SPTBN1: variants seen among roughly 807,000 people sequenced by gnomAD.
The protein encoded by SPTBN1 is spectrin beta, non-erythrocytic 1.
In SPTBN1, 32 loss-of-function variants were observed where a neutral mutation model predicts 266.4. That is an observed-to-expected ratio of 0.12 (90% CI 0.09 to 0.16). SPTBN1 has a LOEUF of 0.16. SPTBN1 is among the 10% of genes least tolerant of loss of function. The pLI, the probability that SPTBN1 is intolerant of heterozygous loss-of-function variation, is 1.00. For missense variants in SPTBN1, 2,296 were observed against 3,067.1 expected (o/e 0.75, Z 5.94); for synonymous variants, 1,336 against 1,162.2 (o/e 1.15, Z -3.04).
At chr2:54,598,301 G>A (rs1431008895) in intron 2 of SPTBN1, among the ~76,000 whole-genome samples, 2 of 152,222 alleles carry the variant, frequency 1.3e-5, no homozygotes, top group Non-Finnish European at 2.9e-5. Context: ...AAGGATCACA[G>A]TATGGAGATT....
intron 2 of SPTBN1, chr2:54,529,229 C>A (rs908718994): frequency 2.7e-6 from 1 of 366,050 alleles, no homozygotes; most frequent in Non-Finnish European, 5.3e-6. Flanking sequence ...GTCATCCAGT[C>A]CCCTTCCTTC....
chr2:54,465,008 A>G (rs912382906), intron 1 of SPTBN1, among the ~76,000 whole-genome samples: 2 of 152,170 alleles, frequency 1.3e-5, no homozygotes, highest in African/African-American at 4.8e-5. Context: ...ACCATTTTTT[A>G]ATAATCAAAA....
intron 3 of SPTBN1, among the ~76,000 whole-genome samples, chr2:54,611,227 A>G (rs1158714667): frequency 3.3e-5 from 5 of 152,230 alleles, no homozygotes; most frequent in Non-Finnish European, 7.3e-5. Context: ...TTTCTAGGCT[A>G]GGCCATTCAT....
intron 8 of SPTBN1, 64 bp downstream of exon 8, chr2:54,621,576 C>G (rs1677995515): frequency 7.4e-7 from 1 of 1,352,874 alleles, no homozygotes; most frequent in Non-Finnish European, 1.1e-6. Context: ...CCTCATTCTC[C>G]CATGCACTCA....
intron 2 of SPTBN1, among the ~76,000 whole-genome samples, chr2:54,570,790 A>G (rs565839191): frequency 5.3e-5 from 8 of 152,272 alleles, no homozygotes; most frequent in African/African-American, 9.6e-5. Flanking sequence ...TCGAAGGTCT[A>G]TTTTATTTTT....
At position 54,649,424 on chromosome 2, in the gene SPTBN1, C is replaced by G; in HGVS notation, c.5203-191C>G. The G allele has an allele frequency of 2.9e-6, 3 of 1,018,402 alleles. No individual in the cohort carries two copies. The highest frequency in any genetic ancestry group is 3.5e-5 in the South Asian group (2 of 56,810). 63.1% of individuals were successfully genotyped at this position (1,018,402 alleles called of 1,614,324 possible). A position where few individuals can be genotyped will look rare whatever the true frequency, so the allele number is the denominator to read the frequency against. ...AAGGAGGTGGAGGTAGTGCCTCACTCTGCTGCAGTGAGCAAGAAAGGAAAC... is the reference window on the plus strand; with the variant it reads ...AAGGAGGTGGAGGTAGTGCCTCACTGTGCTGCAGTGAGCAAGAAAGGAAAC... On this transcript the variant is annotated intron_variant, in intron 25 of 35. Transcript: ENST00000356805. This position sits in a 1 kb window ranked among gnomAD's most constrained non-coding sequence, Gnocchi z 6.7.
chr2:54,544,074 GAGAACATTAT>G (rs1478056992), intron 2 of SPTBN1, among the ~76,000 whole-genome samples: 1 of 152,140 alleles, frequency 6.6e-6, no homozygotes, highest in Non-Finnish European at 1.5e-5. Context: ...TTTCATCTTG[GAGAACATTAT>G]AGAACATTAC....
At chr2:54,541,790 G>A (rs1283768263) in intron 2 of SPTBN1, among the ~76,000 whole-genome samples, 1 of 152,122 alleles carries the variant, frequency 6.6e-6, no homozygotes, top group Non-Finnish European at 1.5e-5. Context: ...TGGCAATATA[G>A]TACACATAAA....
intron 5 of SPTBN1, 48 bp from the exon 6 acceptor site, chr2:54,617,560 T>G: frequency 1.3e-6 from 2 of 1,585,966 alleles, no homozygotes; most frequent in Non-Finnish European, 1.7e-6. Context: ...AGTATAAACC[T>G]CCATGTGGTA....
intron 2 of SPTBN1, among the ~76,000 whole-genome samples, chr2:54,560,115 T>G (rs1297795193): frequency 6.7e-6 from 1 of 149,510 alleles, no homozygotes. Flanking sequence ...CTTGAGCTCT[T>G]CGGCAGTCAA....
At chr2:54,472,776 A>T (rs115889660) in intron 1 of SPTBN1, among the ~76,000 whole-genome samples, 1,772 of 152,292 alleles carry the variant, frequency 0.012, 35 homozygotes, top group African/African-American at 0.039. Context: ...TGACATTTTT[A>T]AAAATGCAGT....
chr2:54,607,501 TA>T (rs1295247493), intron 3 of SPTBN1, among the ~76,000 whole-genome samples: 2 of 152,038 alleles, frequency 1.3e-5, no homozygotes, highest in African/African-American at 4.8e-5. Flanking sequence ...CTGGTGCCTA[TA>T]ACCCCGCTAC....
intron 17 of SPTBN1, among the ~76,000 whole-genome samples, chr2:54,633,416 T>TGTGTGTGTGC (rs1291648033): frequency 6.3e-5 from 9 of 143,146 alleles, no homozygotes; most frequent in African/African-American, 2.2e-4. Flanking sequence ...TACGTGTGTG[T>TGTGTGTGTGC]GTGTGTGTGC....
chr2:54,529,489 G>A, intron 2 of SPTBN1: 2 of 715,132 alleles, frequency 2.8e-6, no homozygotes, highest in Non-Finnish European at 5.2e-6. Flanking sequence ...CCTTCCAGCG[G>A]CCCAAGACAC....
intron 2 of SPTBN1, among the ~76,000 whole-genome samples, chr2:54,531,610 T>G (rs1161429274): frequency 1.3e-5 from 2 of 148,246 alleles, no homozygotes; most frequent in Non-Finnish European, 1.5e-5. Flanking sequence ...TGTTTTTTGT[T>G]TTTTTTTTTT....
At chr2:54,571,404 G>T (rs4671960) in intron 2 of SPTBN1, among the ~76,000 whole-genome samples, 1 of 151,922 alleles carries the variant, frequency 6.6e-6, no homozygotes, top group Non-Finnish European at 1.5e-5. Context: ...AGAGGATGAC[G>T]AGTTCACCGT....
At position 54,670,794 on chromosome 2, in the gene SPTBN1, T is replaced by C. The variant is rs761808274; in HGVS notation, c.*2225T>C. The stretch of plus-strand genomic sequence containing the variant: ...GGGTTTGGTGGTATTTGCTCTCTCT[T>C]GGTGCATTTGATAAGGATCCACTGA... On this transcript the variant is annotated 3_prime_UTR_variant, in exon 36 of 36. Coordinates refer to ENST00000356805, the MANE Select transcript of SPTBN1 (RefSeq NM_003128.3). 38 of 396,170 alleles carry C rather than the reference T, an allele frequency of 9.6e-5. No homozygotes were observed. The highest frequency in any genetic ancestry group is 2.2e-4 in the Admixed American group (5 of 22,610). The allele number at this position is 396,170 out of a possible 1,614,324, so 24.5% of individuals were successfully genotyped here.
intron 1 of SPTBN1, among the ~76,000 whole-genome samples, chr2:54,477,071 A>G (rs977373497): frequency 4.6e-5 from 7 of 152,034 alleles, no homozygotes; most frequent in African/African-American, 1.7e-4. Context: ...TTTCTGTAAC[A>G]AGTTTTCTAG....
At chr2:54,662,409 A>G (rs1474282467) in intron 32 of SPTBN1, 2 of 844,180 alleles carry the variant, frequency 2.4e-6, no homozygotes, top group African/African-American at 1.9e-5. Context: ...TAAAGAAAAA[A>G]TTTTTGCTGC....
Sources: gnomAD v4.1 joint callset for allele counts (sites outside exome capture counted in the v4.1 genomes callset) on GRCh38, gnomAD v4.1.1 for gene constraint, Gnocchi (gnomAD v3.1) non-coding constraint, MANE v1.5 for transcripts, NCBI Gene and HGNC (gene_info 2026-07-23, HGNC 2026-07-21) for gene names.